The following NISCH variants were observed in gnomAD, a reference collection of about 807,000 sequenced individuals.
NISCH encodes the protein nischarin.
NISCH carries 55 observed loss-of-function variants against 138.4 expected under a neutral mutation model. The ratio of observed to expected loss-of-function variants is 0.40; its 90% CI spans 0.32 to 0.50. NISCH has a LOEUF of 0.50. Among genes scored for constraint, NISCH ranks in the 20% least tolerant of loss-of-function variants. The probability of loss-of-function intolerance (pLI) is 0.71; values close to 1 mark genes in which losing one functional copy is unlikely to be tolerated. For synonymous variants in NISCH, 860 were observed against 861.5 expected, an observed-to-expected ratio of 1.00 and a Z score of 0.03; for missense variants, 1,643 against 2,005.5, an observed-to-expected ratio of 0.82 and a Z score of 3.45.
rs150029786 is a variant in NISCH at position 52,485,661 on chromosome 3, G to A, written c.1654-117G>A. 25 of 1,151,702 alleles carry A rather than the reference G, an allele frequency of 2.2e-5. No homozygotes were observed. In the East Asian group the frequency reaches 3.1e-4, roughly 14 times the overall value. The allele number at this position is 1,151,702 out of a possible 1,614,324, so 71.3% of individuals were successfully genotyped here. ...GCTCCAGGGTACAGCGTGGGGATGGGGAGCCTCCTCAGGGCGGTGATGGAG... is the reference window on the plus strand; with the variant it reads ...GCTCCAGGGTACAGCGTGGGGATGGAGAGCCTCCTCAGGGCGGTGATGGAG... On this transcript the variant is annotated intron_variant, in intron 14 of 20. Transcript: ENST00000345716.
rs977834943 is a variant in NISCH, at chr3:52,492,696, C to T, written c.*214C>T. ...CTCAGGGCTGTCGGTGTGCTGTCAG[C>T]CTCCCACAGGTGGTACAGCCGTGCA... On this transcript the variant is annotated 3_prime_UTR_variant, in exon 21 of 21. Transcript: ENST00000345716. 1.4e-5 allele frequency: 9 copies of T among 641,926 alleles called. No homozygotes were observed. In the African/African-American group the frequency reaches 1.5e-4, roughly 10 times the overall value. 39.8% of individuals were successfully genotyped at this position (641,926 alleles called of 1,614,324 possible). A position where few individuals can be genotyped will look rare whatever the true frequency, so the allele number is the denominator to read the frequency against.
chr3:52,480,571 G>A lies in NISCH; in HGVS notation c.1528+276G>A. On this transcript the variant is annotated intron_variant, in intron 13 of 20. Transcript: ENST00000345716. ...CCGCAGGGTGTCTGACAGGCCCTGA[G>A]GCTGCCCTCTGAACAGGCTCGGGGC... 4.1e-6 allele frequency: 6 copies of A among 1,447,824 alleles called. No homozygotes were observed. The South Asian group carries it at 7.2e-5, about 17-fold the overall frequency. The allele number at this position is 1,447,824 out of a possible 1,614,324, so 89.7% of individuals were successfully genotyped here.
At chr3:52,484,660 G>A (rs774463807) in intron 14 of NISCH, 23 bp downstream of exon 14, 1 of 1,613,266 alleles carries the variant, frequency 6.2e-7, no homozygotes, top group Non-Finnish European at 8.5e-7. Flanking sequence ...TCCCGCTTCT[G>A]GGGACCATAC....
At chr3:52,488,927 A>T (rs1707487558) in intron 16 of NISCH, among the ~76,000 whole-genome samples, 3 of 152,184 alleles carry the variant, frequency 2.0e-5, no homozygotes, top group African/African-American at 7.2e-5. Flanking sequence ...AACAGGCTGC[A>T]GCACACCGAG....
chr3:52,492,602 C>A lies in NISCH; in HGVS notation c.*120C>A. On this transcript the variant is annotated 3_prime_UTR_variant, in exon 21 of 21. Coordinates refer to ENST00000345716, the MANE Select transcript of NISCH (RefSeq NM_007184.4). ...TGGTACCTTAATTTGACTGTCCTCG[C>A]AGAGAATGTGAACATGTGTGTGTGT... 1 of 1,227,170 alleles carries A rather than the reference C, an allele frequency of 8.1e-7. No individual in the cohort carries two copies. Among genetic ancestry groups the A allele is most frequent in the Non-Finnish European group, 1.1e-6 (1 of 909,092 alleles). 76.0% of individuals were successfully genotyped at this position (1,227,170 alleles called of 1,614,324 possible). A position where few individuals can be genotyped will look rare whatever the true frequency, so the allele number is the denominator to read the frequency against.
rs768579817 is a variant in NISCH, at chr3:52,492,132, C to T, written c.4165C>T (p.His1389Tyr). The T allele has an allele frequency of 1.9e-6, 3 of 1,612,994 alleles. No homozygotes were observed. Among genetic ancestry groups the T allele is most frequent in the Non-Finnish European group, 1.7e-6 (2 of 1,180,048 alleles). ...CTTCCTCCTGGATGAGGACTGTGTC[C>T]ACTACCCACTGCCCGAGTTTGCCAA... Reference protein sequence around the residue: ...EIFLLDEDCVHYPLPEFAKEP... With the variant: ...EIFLLDEDCVYYPLPEFAKEP... Residue 1389 changes from histidine to tyrosine, a missense_variant, in exon 21 of 21, where the codon CAC becomes TAC. By Grantham distance (83) the His-to-Tyr change is moderately conservative. Transcript: ENST00000345716.
In NISCH at chr3:52,488,335, T is replaced by A. The variant is rs1186464135; in HGVS notation, c.2843T>A (p.Leu948His). 1 of 1,613,006 alleles carries A rather than the reference T, an allele frequency of 6.2e-7. No homozygotes were observed. Among genetic ancestry groups the A allele is most frequent in the Non-Finnish European group, 8.5e-7 (1 of 1,179,980 alleles). The change falls in exon 16 of 21, where the codon CTC becomes CAC. Residue 948 changes from leucine to histidine, a missense_variant. Physicochemically the swap from Leu to His is moderately conservative, Grantham distance 99. Coordinates refer to ENST00000345716, the MANE Select transcript of NISCH (RefSeq NM_007184.4). Reference protein sequence around the residue: ...RNSFKLSRVPLSTVLLDPTRS... With the variant: ...RNSFKLSRVPHSTVLLDPTRS... ...AGCTTCAAGCTCAGCCGTGTGCCGC[T>A]CTCCACCGTGCTGCTGGACCCCACA... is the stretch of plus-strand genomic sequence containing the variant.
chr3:52,482,758 A>T (rs1288369800), intron 13 of NISCH, among the ~76,000 whole-genome samples: 1 of 152,144 alleles, frequency 6.6e-6, no homozygotes, highest in Non-Finnish European at 1.5e-5. Context: ...CTTAGATTTG[A>T]TGAAATGTGG....
chr3:52,472,054 T>C (rs1037603420), intron 5 of NISCH, 77 bp downstream of exon 5: 5 of 1,449,586 alleles, frequency 3.4e-6, no homozygotes, highest in Non-Finnish European at 3.7e-6. Context: ...GGCTGGCAGT[T>C]TGTGTGAAGG....
intron 3 of NISCH, among the ~76,000 whole-genome samples, chr3:52,468,149 C>T (rs1217512369): frequency 1.3e-5 from 2 of 152,160 alleles, no homozygotes; most frequent in Non-Finnish European, 2.9e-5. Flanking sequence ...ATCCTAGCTA[C>T]TCAGGAGGCT....
At chr3:52,476,644 A>G in intron 8 of NISCH, 45 bp downstream of exon 8, 1 of 1,603,634 alleles carries the variant, frequency 6.2e-7, no homozygotes, top group South Asian at 1.1e-5. Flanking sequence ...TGGCCCCACC[A>G]AACCCTGAGT....
At chr3:52,482,004 C>G in intron 13 of NISCH, 1 of 816,158 alleles carries the variant, frequency 1.2e-6, no homozygotes, top group Non-Finnish European at 1.5e-6. Context: ...GCTGAGTGCC[C>G]TTTCTGACCA....
chr3:52,481,964 A>G (rs1005755776), intron 13 of NISCH: 5 of 973,606 alleles, frequency 5.1e-6, no homozygotes, highest in Non-Finnish European at 4.9e-6. Context: ...TCGGACCCCT[A>G]AGGACTCTCC....
chr3:52,484,462 TCCCC>T, intron 13 of NISCH, 47 bp from the exon 14 acceptor site: 6 of 788,668 alleles, frequency 7.6e-6, no homozygotes, highest in South Asian at 2.1e-5. Flanking sequence ...ACAGCCGCTC[TCCCC>T]GCCCCACCCA....
intron 3 of NISCH, among the ~76,000 whole-genome samples, chr3:52,467,668 T>C (rs1253708976): frequency 6.6e-6 from 1 of 152,268 alleles, no homozygotes. Flanking sequence ...TTGAGATTCC[T>C]TAGAAGTGAA....
Position 52,491,445 on chromosome 3 carries a change from T to TG in NISCH, c.3838dup (p.Glu1280GlyfsTer10). 1 of 1,613,504 alleles carries TG rather than the reference T, an allele frequency of 6.2e-7. No homozygotes were observed. The highest frequency in any genetic ancestry group is 8.5e-7 in the Non-Finnish European group (1 of 1,179,990). On this transcript the variant is annotated frameshift_variant, in exon 20 of 21. Transcript: ENST00000345716. LOFTEE classifies it high-confidence loss of function. ...CACCTCATGGTCGTGCTGTCCTCTCTGGAACGCACGCCCTCGCCGGAGCCT... is the reference window on the plus strand; with the variant it reads ...CACCTCATGGTCGTGCTGTCCTCTCTGGGAACGCACGCCCTCGCCGGAGCCT...
At position 52,490,199 on chromosome 3, in the gene NISCH, G is replaced by A. The variant is rs1707524623; in HGVS notation, c.3581G>A (p.Gly1194Asp). The A allele has an allele frequency of 2.5e-6, 4 of 1,613,044 alleles. No homozygotes were observed. Among genetic ancestry groups the A allele is most frequent in the South Asian group, 1.1e-5 (1 of 91,080 alleles). Residue 1194 changes from glycine to aspartate, a missense_variant, in exon 18 of 21, where the codon GGC becomes GAC. Coordinates refer to ENST00000345716, the MANE Select transcript of NISCH (RefSeq NM_007184.4). Reference sequence around the variant, plus strand: ...GCTGTGTACTTTGTGCTCCACGACGGCCTCCGCCGCTACTTCTCAGAGCCA... The same window carrying A: ...GCTGTGTACTTTGTGCTCCACGACGACCTCCGCCGCTACTTCTCAGAGCCA... ...TKAVYFVLHDGLRRYFSEPLQ... is the reference protein window; with the variant it reads ...TKAVYFVLHDDLRRYFSEPLQ...
At position 52,492,199 on chromosome 3, in the gene NISCH, G is replaced by T; in HGVS notation, c.4232G>T (p.Arg1411Leu). ...GACAGGTACCGGCTGGACGATGGCC[G>T]CCGCGTCCGGGACCTGGACCGAGTG... ...QRDRYRLDDG[R>L]RVRDLDRVLM... Residue 1411 changes from arginine to leucine, a missense_variant, in exon 21 of 21, where the codon CGC becomes CTC. Arg to Leu is a moderately radical substitution (Grantham distance 102). Coordinates refer to ENST00000345716, the MANE Select transcript of NISCH (RefSeq NM_007184.4). 1 of 1,613,070 alleles carries T rather than the reference G, an allele frequency of 6.2e-7. No individual in the cohort carries two copies. Among genetic ancestry groups the T allele is most frequent in the Non-Finnish European group, 8.5e-7 (1 of 1,180,046 alleles).
chr3:52,488,467 T>G lies in NISCH; in HGVS notation c.2975T>G (p.Phe992Cys). 6.2e-7 allele frequency: 1 copy of G among 1,613,532 alleles called. No homozygotes were observed. ...ATCTTCGTGCTGCCCCACGAGAAGTTCCACTTCCTGCGCGTCTACAACCAG... is the reference window on the plus strand; with the variant it reads ...ATCTTCGTGCTGCCCCACGAGAAGTGCCACTTCCTGCGCGTCTACAACCAG... ...TAIFVLPHEK[F>C]HFLRVYNQLR... Residue 992 changes from phenylalanine to cysteine, a missense_variant, in exon 16 of 21, where the codon TTC (phenylalanine) becomes TGC (cysteine). Phe to Cys is a radical substitution (Grantham distance 205). Coordinates refer to ENST00000345716, the MANE Select transcript of NISCH (RefSeq NM_007184.4).
Sources: gnomAD v4.1 joint callset for allele counts (sites outside exome capture counted in the v4.1 genomes callset) on GRCh38, gnomAD v4.1.1 for gene constraint, MANE v1.5 for transcripts, NCBI Gene and HGNC (gene_info 2026-07-23, HGNC 2026-07-21) for gene names.